The following NPSR1 variants were observed in gnomAD, a reference collection of about 807,000 sequenced individuals.
The protein encoded by NPSR1 is neuropeptide S receptor.
In NPSR1, 48 loss-of-function variants were observed where a neutral mutation model predicts 46.9. The ratio of observed to expected loss-of-function variants is 1.02; its 90% confidence interval spans 0.81 to 1.30. The LOEUF is 1.30. Among genes scored for constraint, NPSR1 ranks in the 50% most tolerant of loss-of-function variants. The pLI is 0.00. For missense variants in NPSR1, 450 were observed against 449.5 expected (o/e 1.00, Z -0.01); for synonymous variants, 176 against 168.1 (o/e 1.05, Z -0.36).
chr7:34,658,908 G>A (rs531786315), intron 1 of NPSR1, among the ~76,000 whole-genome samples: 27 of 152,254 alleles, frequency 1.8e-4, no homozygotes, highest in African/African-American at 6.0e-4. Flanking sequence ...TTCTAGTAGG[G>A]GTTAGAGCTA....
rs370633295 is a variant in NPSR1, at chr7:34,827,441, G to C, written c.519G>C (p.Leu173=). ...ARVLIVIAWS[L]SFLFSIPTLI... The stretch of plus-strand genomic sequence containing the variant: ...TCCTCATTGTGATCGCCTGGAGCCT[G>C]TCTTTTCTGTTCTCCATTCCCACCC... The change falls in exon 5 of 9, where the codon CTG becomes CTC. Residue 173 remains leucine (L), a synonymous_variant. Transcript: ENST00000360581. 6.2e-7 allele frequency: 1 copy of C among 1,614,112 alleles called. No individual in the cohort carries two copies. The highest frequency in any genetic ancestry group is 2.2e-5 in the East Asian group (1 of 44,870).
chr7:34,779,281 G>A (rs1787122046), intron 3 of NPSR1, among the ~76,000 whole-genome samples: 1 of 151,854 alleles, frequency 6.6e-6, no homozygotes, highest in African/African-American at 2.4e-5. Context: ...CTTCAACTAA[G>A]TCTGGAAGGA....
chr7:34,738,959 T>C (rs958250843), intron 2 of NPSR1, among the ~76,000 whole-genome samples: 2 of 152,210 alleles, frequency 1.3e-5, no homozygotes, highest in Admixed American at 6.5e-5. Context: ...TTGCCCATTA[T>C]GAATATTTCA....
chr7:34,768,650 T>C (rs1786537717), intron 2 of NPSR1, among the ~76,000 whole-genome samples: 1 of 152,180 alleles, frequency 6.6e-6, no homozygotes, highest in Non-Finnish European at 1.5e-5. Context: ...TGTATAATAT[T>C]ATATAAAACA....
At chr7:34,682,753 A>G (rs1018379429) in intron 1 of NPSR1, among the ~76,000 whole-genome samples, 1 of 152,192 alleles carries the variant, frequency 6.6e-6, no homozygotes, top group African/African-American at 2.4e-5. Context: ...GGTCCTTTGC[A>G]TAACAATTAG....
intron 8 of NPSR1, among the ~76,000 whole-genome samples, chr7:34,873,403 A>C (rs1791501143): frequency 6.6e-6 from 1 of 151,758 alleles, no homozygotes; most frequent in Non-Finnish European, 1.5e-5. Flanking sequence ...CTATAAAAAA[A>C]AGTACCTGAG....
At chr7:34,746,365 C>T (rs1489149326) in intron 2 of NPSR1, among the ~76,000 whole-genome samples, 2 of 152,180 alleles carry the variant, frequency 1.3e-5, no homozygotes, top group South Asian at 2.1e-4. Context: ...ACTTTTATTA[C>T]AGCATATATT....
intron 4 of NPSR1, among the ~76,000 whole-genome samples, chr7:34,825,708 G>T (rs1789798349): frequency 6.6e-6 from 1 of 152,140 alleles, no homozygotes; most frequent in Non-Finnish European, 1.5e-5. Flanking sequence ...AGTTCCTCAG[G>T]GGACCAAGAA....
chr7:34,792,621 A>ATG (rs200693311), intron 3 of NPSR1, among the ~76,000 whole-genome samples: 9,795 of 115,532 alleles, frequency 0.085, 535 homozygotes, highest in Non-Finnish European at 0.11. Context: ...ATATGTGTAT[A>ATG]TGTGTGTGTG....
chr7:34,702,853 C>G (rs1458864109), intron 2 of NPSR1, among the ~76,000 whole-genome samples: 1 of 152,214 alleles, frequency 6.6e-6, no homozygotes, highest in Non-Finnish European at 1.5e-5. Flanking sequence ...TTTTTGGTTA[C>G]CCAAGTTAAA....
At chr7:34,768,782 G>A (rs1004064212) in intron 2 of NPSR1, among the ~76,000 whole-genome samples, 9 of 152,180 alleles carry the variant, frequency 5.9e-5, no homozygotes, top group Admixed American at 5.9e-4. Flanking sequence ...AGTACCTAGA[G>A]TATGCCAAAT....
chr7:34,735,673 A>G (rs547674911), intron 2 of NPSR1, among the ~76,000 whole-genome samples: 6 of 152,304 alleles, frequency 3.9e-5, no homozygotes, highest in African/African-American at 1.4e-4. Flanking sequence ...TCAAATGTTC[A>G]TTTCTTTGAA....
At chr7:34,822,285 A>G (rs1292397559) in intron 4 of NPSR1, among the ~76,000 whole-genome samples, 1 of 152,158 alleles carries the variant, frequency 6.6e-6, no homozygotes, top group Non-Finnish European at 1.5e-5. Context: ...GCTGAGAGAA[A>G]GCCGTAGAAA....
chr7:34,849,451 C>T, intron 8 of NPSR1, 114 bp from the exon 9 acceptor site: 1 of 1,598,890 alleles, frequency 6.3e-7, no homozygotes, highest in African/African-American at 1.3e-5. Flanking sequence ...AAGTGCCTGG[C>T]ACAGTTGTCT....
At chr7:34,682,043 A>G (rs1030455522) in intron 1 of NPSR1, among the ~76,000 whole-genome samples, 1 of 152,234 alleles carries the variant, frequency 6.6e-6, no homozygotes, top group African/African-American at 2.4e-5. Flanking sequence ...TACCCTAGCC[A>G]TGGACCATAC....
In NPSR1 at chr7:34,748,031, T is replaced by G. The variant is rs192402283; in HGVS notation, c.281-30431T>G. On this transcript the variant is annotated intron_variant, in intron 2 of 8. Transcript: ENST00000360581. ...TTTTGGCCAGAGAACATAATTGACA[T>G]GCACAGAGCTGGAGCTCTTGCCAGC... Among the ~76,000 whole-genome samples, 51 of 152,302 alleles carry G rather than the reference T, an allele frequency of 3.3e-4. No homozygotes were observed. The Middle Eastern group carries it at 0.014, about 41-fold the overall frequency.
At chr7:34,735,408 T>A (rs1583907545) in intron 2 of NPSR1, among the ~76,000 whole-genome samples, 3 of 151,340 alleles carry the variant, frequency 2.0e-5, no homozygotes, top group Admixed American at 2.0e-4. Flanking sequence ...GCCATCTCTC[T>A]TGTTTATTAT....
At chr7:34,681,661 G>A (rs77525697) in intron 1 of NPSR1, among the ~76,000 whole-genome samples, 10,273 of 152,218 alleles carry the variant, frequency 0.067, 411 homozygotes, top group Non-Finnish European at 0.082. Context: ...ATGGGGTTGC[G>A]GAAGTAGATA....
intron 8 of NPSR1, among the ~76,000 whole-genome samples, chr7:34,872,924 T>G (rs765828845): frequency 7.9e-5 from 12 of 151,954 alleles, no homozygotes; most frequent in Middle Eastern, 3.4e-3. Flanking sequence ...TAAATATAAG[T>G]TCCAGTTTCA....
Sources: allele counts gnomAD v4.1 joint callset (sites outside exome capture counted in the v4.1 genomes callset), GRCh38; gene constraint gnomAD v4.1.1; transcripts MANE v1.5; gene names NCBI Gene and HGNC (gene_info 2026-07-23, HGNC 2026-07-21).